Variants in BAZ1A observed in about 807,000 individuals in gnomAD.
BAZ1A encodes bromodomain adjacent to zinc finger domain protein 1A.
A neutral mutation model predicts 185.2 loss-of-function variants in BAZ1A; 50 were observed. That is an observed-to-expected ratio of 0.27 (90% CI 0.22 to 0.34). BAZ1A has a LOEUF of 0.34. Ranked by LOEUF, BAZ1A falls within the 10% of genes least tolerant of loss-of-function variation. The probability of loss-of-function intolerance (pLI) is 1.00; values close to 1 mark genes in which losing one functional copy is unlikely to be tolerated. For missense variants in BAZ1A, 1,356 were observed against 1,839.9 expected (o/e 0.74, Z 4.81); for synonymous variants, 571 against 615.6 (o/e 0.93, Z 1.07).
At chr14:34,854,888 C>G (rs1347993885) in intron 3 of BAZ1A, among the ~76,000 whole-genome samples, 5 of 152,096 alleles carry the variant, frequency 3.3e-5, no homozygotes, top group Non-Finnish European at 7.4e-5. Flanking sequence ...GAGACTAGCC[C>G]TGCCAAGATG....
intron 3 of BAZ1A, among the ~76,000 whole-genome samples, chr14:34,837,813 A>G (rs1193434049): frequency 3.3e-5 from 5 of 152,170 alleles, no homozygotes; most frequent in African/African-American, 1.2e-4. Flanking sequence ...CAGCCTATTG[A>G]CACAAACATG....
chr14:34,768,810 GA>G (rs1391026202), intron 21 of BAZ1A: 2 of 385,392 alleles, frequency 5.2e-6, no homozygotes, highest in South Asian at 4.0e-5. Context: ...GTTAGTTGAA[GA>G]TTTTTTTTTC....
intron 21 of BAZ1A, among the ~76,000 whole-genome samples, chr14:34,766,638 T>TC (rs1878863200): frequency 6.6e-6 from 1 of 152,054 alleles, no homozygotes; most frequent in South Asian, 2.1e-4. Context: ...GAAAATAATC[T>TC]CCCTGAGGAT....
chr14:34,824,682 G>A (rs905221645), intron 4 of BAZ1A, among the ~76,000 whole-genome samples: 1 of 152,150 alleles, frequency 6.6e-6, no homozygotes, highest in Non-Finnish European at 1.5e-5. Context: ...AATAGTTAAT[G>A]TCAGGCCAAA....
chr14:34,788,478 A>AT (rs1375054835), intron 12 of BAZ1A, among the ~76,000 whole-genome samples: 1 of 151,614 alleles, frequency 6.6e-6, no homozygotes, highest in Non-Finnish European at 1.5e-5. Context: ...TAGTTTTTGT[A>AT]TTTTTTGTAG....
chr14:34,811,978 T>TTA (rs1345781899), intron 4 of BAZ1A, among the ~76,000 whole-genome samples: 2 of 152,282 alleles, frequency 1.3e-5, no homozygotes, highest in Admixed American at 1.3e-4. Context: ...GGGTATTTAT[T>TTA]TATTTATTCA....
At chr14:34,783,034 G>GCTT in intron 16 of BAZ1A, 85 bp downstream of exon 16, 1 of 1,077,118 alleles carries the variant, frequency 9.3e-7, no homozygotes, top group Non-Finnish European at 1.4e-6. Context: ...TTCTAAAAAT[G>GCTT]TGAAAGCATT....
intron 4 of BAZ1A, among the ~76,000 whole-genome samples, chr14:34,822,814 T>C (rs1270901110): frequency 6.6e-6 from 1 of 152,194 alleles, no homozygotes; most frequent in Non-Finnish European, 1.5e-5. Context: ...GATGCACCAA[T>C]GGAAGTCTTC....
chr14:34,832,506 T>C (rs1438818415), intron 3 of BAZ1A, among the ~76,000 whole-genome samples: 1 of 147,640 alleles, frequency 6.8e-6, no homozygotes. Flanking sequence ...AAGACTTGAA[T>C]AGACATTTCT....
rs760199632 is a variant in BAZ1A, at chr14:34,783,912, A to AT, written c.1846dup (p.Ile616AsnfsTer16). 1 of 1,587,800 alleles carries AT rather than the reference A, an allele frequency of 6.3e-7. No homozygotes were observed. The highest frequency in any genetic ancestry group is 8.5e-7 in the Non-Finnish European group (1 of 1,171,926). ...TAGCTTTCCACAGAGAGCATGGAGT[A>AT]TCTTCATTTTTTCTCCTGTCAAAAA... is the stretch of plus-strand genomic sequence containing the variant. On this transcript the variant is annotated frameshift_variant, in exon 15 of 27. Coordinates refer to ENST00000360310, the MANE Select transcript of BAZ1A (RefSeq NM_013448.3). LOFTEE classifies it high-confidence loss of function.
At position 34,786,603 on chromosome 14, in the gene BAZ1A, G is replaced by GTTTTTTTTTTTTTTTTTTTTTTTTTTTTT. The variant is rs542523340; in HGVS notation, c.1511-383_1511-382insAAAAAAAAAAAAAAAAAAAAAAAAAAAAA. 9 of 106,854 alleles carry GTTTTTTTTTTTTTTTTTTTTTTTTTTTTT rather than the reference G, an allele frequency of 8.4e-5. 3 individuals are homozygous for GTTTTTTTTTTTTTTTTTTTTTTTTTTTTT. The highest frequency in any genetic ancestry group is 7.4e-5 in the African/African-American group (2 of 26,984). The allele number at this position is 106,854 out of a possible 1,614,324, so 6.6% of individuals were successfully genotyped here. On this transcript the variant is annotated intron_variant, in intron 12 of 26. Transcript: ENST00000360310. Reference sequence around the variant, plus strand: ...TTAAAGATACTCCAATCTTTTATGTGTGTTTTTTTTTTTTTTTTTTTTGAG... The same window carrying GTTTTTTTTTTTTTTTTTTTTTTTTTTTTT: ...TTAAAGATACTCCAATCTTTTATGTGTTTTTTTTTTTTTTTTTTTTTTTTTTTTTTGTTTTTTTTTTTTTTTTTTTTGAG...
rs375241016 is a variant in BAZ1A, at chr14:34,863,972, C to T, written c.114-1650G>A. ...CTGAGTATTTGGGACTACAGGTGCA[C>T]ACCAGGACACTCACCTAATTTTTTT... On this transcript the variant is annotated intron_variant, in intron 2 of 26. Coordinates refer to ENST00000360310, the MANE Select transcript of BAZ1A (RefSeq NM_013448.3). Among the ~76,000 whole-genome samples, 11 of 151,174 alleles carry T rather than the reference C, an allele frequency of 7.3e-5. 1 individual carries two copies. In the South Asian group the frequency reaches 2.3e-3, roughly 32 times the overall value.
intron 3 of BAZ1A, among the ~76,000 whole-genome samples, chr14:34,837,164 T>C (rs898319429): frequency 3.9e-5 from 6 of 152,040 alleles, no homozygotes; most frequent in Middle Eastern, 3.4e-3. Context: ...CTATTATAAG[T>C]CTAAATATCA....
chr14:34,800,253 TTTC>T lies in BAZ1A; in HGVS notation c.1096_1098del (p.Glu366del), dbSNP rs1425917934. On this transcript the variant is annotated inframe_deletion, in exon 9 of 27. Coordinates refer to ENST00000360310, the MANE Select transcript of BAZ1A (RefSeq NM_013448.3). ...TCTCTTTCTACTTTAAGCCTCTCTT[TTTC>T]TTCTTTTTTCTTTAGTCTCTCTTCT... The T allele has an allele frequency of 2.8e-6, 4 of 1,413,274 alleles. No homozygotes were observed. The highest frequency in any genetic ancestry group is 3.8e-6 in the Non-Finnish European group (4 of 1,041,690). 87.5% of individuals were successfully genotyped at this position (1,413,274 alleles called of 1,614,324 possible).
chr14:34,773,726 C>A lies in BAZ1A; in HGVS notation c.2998G>T (p.Val1000Phe). The change falls in exon 20 of 27, where the codon GTT becomes TTT. Residue 1000 changes from valine (V) to phenylalanine (F), a missense_variant and splice_region_variant. Transcript: ENST00000360310. ...IYQGTLGAIKVTDRHIWRSAL... is the reference protein window; with the variant it reads ...IYQGTLGAIKFTDRHIWRSAL... Reference sequence around the variant, plus strand: ...GATCTCCAGATATGTCGATCTGTAACCTGTAACAAAATTCAAACTTACTAA... The same window carrying A: ...GATCTCCAGATATGTCGATCTGTAAACTGTAACAAAATTCAAACTTACTAA... The A allele has an allele frequency of 6.2e-7, 1 of 1,613,018 alleles. No homozygotes were observed. Among genetic ancestry groups the A allele is most frequent in the Non-Finnish European group, 8.5e-7 (1 of 1,179,780 alleles).
rs185275727 is a variant in BAZ1A, at chr14:34,856,497, G to C, written c.392+5547C>G. ...AGACAGGGTCTCACCGTGTTGCCTA[G>C]GCTGCTTAGAGCATCTTAATTCTTT... On this transcript the variant is annotated intron_variant, in intron 3 of 26. Coordinates refer to ENST00000360310, the MANE Select transcript of BAZ1A (RefSeq NM_013448.3). 1.1e-3 allele frequency among the ~76,000 whole-genome samples: 170 copies of C among 152,046 alleles called. 2 individuals are homozygous for C. In the East Asian group the frequency reaches 0.03, roughly 27 times the overall value.
At position 34,874,441 on chromosome 14, in the gene BAZ1A, CG is replaced by C; in HGVS notation, c.113+50del. On this transcript the variant is annotated intron_variant, in intron 2 of 26. Coordinates refer to ENST00000360310, the MANE Select transcript of BAZ1A (RefSeq NM_013448.3). This position sits in a 1 kb window ranked among gnomAD's most constrained non-coding sequence, Gnocchi z 4.7. ...AAAGGAGAGAGACAAAAGAGCGCTG[CG>C]GGGGGAGTCCCCACACCCCCCGCGG... The C allele has an allele frequency of 6.7e-7, 1 of 1,489,720 alleles. No homozygotes were observed. The highest frequency in any genetic ancestry group is 9.3e-7 in the Non-Finnish European group (1 of 1,070,060). The allele number at this position is 1,489,720 out of a possible 1,614,324, so 92.3% of individuals were successfully genotyped here. A position where few individuals can be genotyped will look rare whatever the true frequency, so the allele number is the denominator to read the frequency against.
chr14:34,868,071 G>A (rs1304996220), intron 2 of BAZ1A, among the ~76,000 whole-genome samples: 3 of 152,140 alleles, frequency 2.0e-5, no homozygotes, highest in South Asian at 2.1e-4. Context: ...TTATGACTGC[G>A]CTCTTTCAAT....
chr14:34,791,144 G>GACAAA (rs1880819097), intron 12 of BAZ1A, among the ~76,000 whole-genome samples: 1 of 92,352 alleles, frequency 1.1e-5, no homozygotes, highest in Non-Finnish European at 2.4e-5. Flanking sequence ...GAAAAGAGAA[G>GACAAA]AGAAAAGAGA....
Sources: allele counts gnomAD v4.1 joint callset (sites outside exome capture counted in the v4.1 genomes callset), GRCh38; gene constraint gnomAD v4.1.1; non-coding constraint Gnocchi (gnomAD v3.1); transcripts MANE v1.5; gene names NCBI Gene and HGNC (gene_info 2026-07-23, HGNC 2026-07-21).